AUNIP: variants seen among roughly 807,000 people sequenced by gnomAD.
AUNIP encodes the protein aurora kinase A and ninein interacting protein, also known as aurora kinase A- and ninein-interacting protein.
In AUNIP, 16 loss-of-function variants were observed where a neutral mutation model predicts 12.2. The ratio of observed to expected loss-of-function variants is 1.31; its 90% CI spans 0.88 to 1.99. The LOEUF (loss-of-function observed/expected upper bound fraction) is 1.99, where lower values mean the gene tolerates loss of function less well. Ranked by LOEUF, AUNIP falls within the 30% of genes most tolerant of loss-of-function variation. The pLI is 0.00. For synonymous variants in AUNIP, 142 were observed against 154.8 expected, an observed-to-expected ratio of 0.92 and a Z score of 0.61; for missense variants, 411 against 419.1, an observed-to-expected ratio of 0.98 and a Z score of 0.17.
At chr1:25,840,290 T>C (rs2048339836) in intron 1 of AUNIP, among the ~76,000 whole-genome samples, 1 of 151,730 alleles carries the variant, frequency 6.6e-6, no homozygotes, top group African/African-American at 2.4e-5. Flanking sequence ...AAAATAACAG[T>C]GAACCTGAAG....
In AUNIP at chr1:25,835,474, C is replaced by A; in HGVS notation, c.593G>T (p.Trp198Leu). 6.2e-7 allele frequency: 1 copy of A among 1,614,252 alleles called. No individual in the cohort carries two copies. The highest frequency in any genetic ancestry group is 8.5e-7 in the Non-Finnish European group (1 of 1,180,046). The part of the protein sequence containing the change: ...KEEKGDSARK[W>L]EWLHESKKNY... ...CTTCTTAGACTCATGAAGCCATTCCCATTTCCTGGCAGAATCCCCTTTTTC... is the reference window on the plus strand; with the variant it reads ...CTTCTTAGACTCATGAAGCCATTCCAATTTCCTGGCAGAATCCCCTTTTTC... The change falls in exon 3 of 3, where the codon TGG (tryptophan) becomes TTG (leucine). Residue 198 changes from tryptophan (W) to leucine (L), a missense_variant. By Grantham distance (61) the Trp-to-Leu change is moderately conservative (BLOSUM62 -2). Transcript: ENST00000374298.
chr1:25,844,221 C>G (rs1572263651), intron 1 of AUNIP, among the ~76,000 whole-genome samples: 1 of 152,192 alleles, frequency 6.6e-6, no homozygotes, highest in South Asian at 2.1e-4. Context: ...ATTCTCCTGC[C>G]TCAGCCTCCT....
rs1437066743 is a variant in AUNIP at position 25,834,151 on chromosome 1, T to A, written c.*842A>T. ...TATTTAAACATAGAGTATATAACTTTAAAGTGCTGTACAGTTACCACAAAA... is the reference window on the plus strand; with the variant it reads ...TATTTAAACATAGAGTATATAACTTAAAAGTGCTGTACAGTTACCACAAAA... On this transcript the variant is annotated 3_prime_UTR_variant, in exon 3 of 3. Transcript: ENST00000374298. 3.0e-6 allele frequency: 3 copies of A among 985,174 alleles called. No individual in the cohort carries two copies. Among genetic ancestry groups the A allele is most frequent in the Non-Finnish European group, 3.6e-6 (3 of 829,862 alleles). 61.0% of individuals were successfully genotyped at this position (985,174 alleles called of 1,614,324 possible). A position where few individuals can be genotyped will look rare whatever the true frequency, so the allele number is the denominator to read the frequency against.
chr1:25,833,382 T>C (rs1007887132), downstream of AUNIP, among the ~76,000 whole-genome samples: 1 of 152,052 alleles, frequency 6.6e-6, no homozygotes, highest in Non-Finnish European at 1.5e-5. Flanking sequence ...TCCCAGAGCG[T>C]TGAGATTACA....
chr1:25,837,369 T>G, intron 2 of AUNIP, 44 bp downstream of exon 2: 1 of 1,582,582 alleles, frequency 6.3e-7, no homozygotes, highest in Non-Finnish European at 8.6e-7. Flanking sequence ...ACACACTCCT[T>G]TTTTGCTCTG....
intron 1 of AUNIP, among the ~76,000 whole-genome samples, chr1:25,843,622 A>AAT (rs1557452602): frequency 4.2e-5 from 6 of 141,236 alleles, no homozygotes; most frequent in Non-Finnish European, 3.0e-5. Flanking sequence ...AAAAAAAAAA[A>AAT]AGGGATTCAT....
intron 1 of AUNIP, among the ~76,000 whole-genome samples, chr1:25,837,904 G>T (rs997077718): frequency 1.3e-5 from 2 of 152,196 alleles, no homozygotes; most frequent in Non-Finnish European, 2.9e-5. Context: ...ATTTTCAGTA[G>T]TTTTAAAGTA....
intron 1 of AUNIP, among the ~76,000 whole-genome samples, chr1:25,853,898 G>A (rs958443963): frequency 5.3e-5 from 8 of 152,164 alleles, no homozygotes; most frequent in African/African-American, 1.9e-4. Context: ...CACACCATCA[G>A]TTCCCGCAAT....
intron 1 of AUNIP, among the ~76,000 whole-genome samples, chr1:25,846,308 ACTT>A (rs1473293539): frequency 2.0e-5 from 3 of 149,284 alleles, no homozygotes; most frequent in African/African-American, 7.4e-5. Context: ...AGTCCCAGCT[ACTT>A]GGGAGGCTGA....
chr1:25,846,147 C>T (rs1557453544), intron 1 of AUNIP, among the ~76,000 whole-genome samples: 1 of 152,126 alleles, frequency 6.6e-6, no homozygotes, highest in Non-Finnish European at 1.5e-5. Flanking sequence ...AGGCCGGGTG[C>T]GGCGGCTCAC....
intron 1 of AUNIP, among the ~76,000 whole-genome samples, chr1:25,856,003 C>T (rs2048457441): frequency 6.6e-6 from 1 of 152,164 alleles, no homozygotes; most frequent in South Asian, 2.1e-4. Flanking sequence ...CTGTCATGTA[C>T]TACATCAACA....
At chr1:25,837,688 G>A in intron 1 of AUNIP, 134 bp from the exon 2 acceptor site, 3 of 873,152 alleles carry the variant, frequency 3.4e-6, no homozygotes, top group Admixed American at 5.8e-5. Context: ...TATTCTCAAG[G>A]TAGTTGGTGC....
intron 1 of AUNIP, among the ~76,000 whole-genome samples, chr1:25,856,432 C>G (rs749030818): frequency 1.1e-4 from 16 of 151,406 alleles, no homozygotes; most frequent in Non-Finnish European, 1.9e-4. Flanking sequence ...GCCTGTAATC[C>G]CAGGAGGCCG....
Position 25,852,448 on chromosome 1 carries a change from G to GTTTT in AUNIP, c.78+6828_78+6831dup, listed in dbSNP as rs1289092185. ...AAGGTAGAAGATTAGATTATTTAAG[G>GTTTT]TTTTTTTTTTTGTTGTTTTTTTTTT... On this transcript the variant is annotated intron_variant, in intron 1 of 2. Coordinates refer to ENST00000374298, the MANE Select transcript of AUNIP (RefSeq NM_024037.3). Among the ~76,000 whole-genome samples, 26 of 134,974 alleles carry GTTTT rather than the reference G, an allele frequency of 1.9e-4. 1 individual carries two copies. Among genetic ancestry groups the GTTTT allele is most frequent in the African/African-American group, 4.3e-4 (15 of 34,900 alleles). The allele number at this position is 134,974 out of a possible 152,430, so 88.5% of individuals were successfully genotyped here. A position where few individuals can be genotyped will look rare whatever the true frequency, so the allele number is the denominator to read the frequency against.
At chr1:25,841,297 C>A (rs1230234261) in intron 1 of AUNIP, among the ~76,000 whole-genome samples, 1 of 152,200 alleles carries the variant, frequency 6.6e-6, no homozygotes, top group East Asian at 1.9e-4. Context: ...ATAAAGGCGG[C>A]TGTTTGTATT....
rs924805456 is a variant in AUNIP at position 25,847,456 on chromosome 1, G to A, written c.79-9902C>T. ...TTTTTTGTATTTTTAGTAGAGATGA[G>A]GTTTTACCATGTTGGCCAGGCTGGT... On this transcript the variant is annotated intron_variant, in intron 1 of 2. Coordinates refer to ENST00000374298, the MANE Select transcript of AUNIP (RefSeq NM_024037.3). This position sits in a 1 kb window ranked among gnomAD's most constrained non-coding sequence, Gnocchi z 4.2. 1.3e-5 allele frequency among the ~76,000 whole-genome samples: 2 copies of A among 151,916 alleles called. No individual in the cohort carries two copies. Among genetic ancestry groups the A allele is most frequent in the Non-Finnish European group, 2.9e-5 (2 of 67,988 alleles).
rs2048284773 is a variant in AUNIP at position 25,834,653 on chromosome 1, C to T, written c.*340G>A. ...AAAAAAACACATCCATAAGCAAGGT[C>T]CCAGTCAGACATCTGGAAGGGCAAA... is the stretch of plus-strand genomic sequence containing the variant. On this transcript the variant is annotated 3_prime_UTR_variant, in exon 3 of 3. Coordinates refer to ENST00000374298, the MANE Select transcript of AUNIP (RefSeq NM_024037.3). The T allele has an allele frequency of 9.5e-7, 1 of 1,047,934 alleles. No individual in the cohort carries two copies. Among genetic ancestry groups the T allele is most frequent in the Non-Finnish European group, 1.1e-6 (1 of 869,968 alleles). 64.9% of individuals were successfully genotyped at this position (1,047,934 alleles called of 1,614,324 possible). A position where few individuals can be genotyped will look rare whatever the true frequency, so the allele number is the denominator to read the frequency against.
At chr1:25,832,785 G>A (rs1395808035), downstream of AUNIP, 1 of 156,924 alleles carries the variant, frequency 6.4e-6, no homozygotes, top group Non-Finnish European at 1.4e-5. Flanking sequence ...TTTCTTCCAG[G>A]CCCTTGACTG....
At chr1:25,837,583 A>G in intron 1 of AUNIP, 29 bp from the exon 2 acceptor site, 1 of 1,601,086 alleles carries the variant, frequency 6.2e-7, no homozygotes, top group South Asian at 1.1e-5. Context: ...AAGAATAATG[A>G]GCCTATTAAT....
Sources: allele counts gnomAD v4.1 joint callset (sites outside exome capture counted in the v4.1 genomes callset), GRCh38; gene constraint gnomAD v4.1.1; non-coding constraint Gnocchi (gnomAD v3.1); transcripts MANE v1.5; gene names NCBI Gene and HGNC (gene_info 2026-07-23, HGNC 2026-07-21).